ADAM2: variants seen among roughly 807,000 people sequenced by gnomAD.
ADAM2 encodes the protein ADAM metallopeptidase domain 2, also known as disintegrin and metalloproteinase domain-containing protein 2.
Under a neutral mutation model 99.3 loss-of-function variants are expected in ADAM2, and 101 were observed. The observed-to-expected ratio is 1.02, with a 90% CI of 0.87 to 1.20. The LOEUF (loss-of-function observed/expected upper bound fraction) is 1.20, where lower values mean the gene tolerates loss of function less well. Among genes scored for constraint, ADAM2 ranks in the 50% most tolerant of loss-of-function variants. The pLI is 0.00. For synonymous variants in ADAM2, 323 were observed against 287.6 expected, an observed-to-expected ratio of 1.12 and a Z score of -1.25; for missense variants, 948 against 878.7, an observed-to-expected ratio of 1.08 and a Z score of -1.00.
intron 11 of ADAM2, among the ~76,000 whole-genome samples, chr8:39,775,692 C>A (rs1456592036): frequency 6.6e-6 from 1 of 152,102 alleles, no homozygotes; most frequent in Non-Finnish European, 1.5e-5. Flanking sequence ...TGTATGGTGA[C>A]TGAGAAATAT....
intron 15 of ADAM2, 49 bp downstream of exon 15, chr8:39,761,127 A>C: frequency 8.4e-7 from 1 of 1,193,042 alleles, no homozygotes; most frequent in Non-Finnish European, 1.2e-6. Flanking sequence ...GGTATTTTCA[A>C]ATATAAGGTG....
chr8:39,758,734 T>C (rs376952136), intron 15 of ADAM2, among the ~76,000 whole-genome samples: 1 of 152,064 alleles, frequency 6.6e-6, no homozygotes, highest in Non-Finnish European at 1.5e-5. Context: ...TCTTTTCTTG[T>C]GCTAGAAAAA....
At chr8:39,769,242 C>T (rs1414306217) in intron 12 of ADAM2, 150 bp downstream of exon 12, 16 of 597,004 alleles carry the variant, frequency 2.7e-5, no homozygotes, top group South Asian at 1.1e-4. Flanking sequence ...TATAAGTGCA[C>T]TCATTAGTTG....
chr8:39,830,315 C>A (rs1043031056), intron 3 of ADAM2, among the ~76,000 whole-genome samples: 1 of 152,080 alleles, frequency 6.6e-6, no homozygotes, highest in Non-Finnish European at 1.5e-5. Flanking sequence ...GGGTAATAAA[C>A]TGGCCCATAG....
At chr8:39,749,781 C>G in intron 16 of ADAM2, 37 bp from the exon 17 acceptor site, 4 of 1,534,756 alleles carry the variant, frequency 2.6e-6, no homozygotes, top group Non-Finnish European at 3.6e-6. Context: ...AATTGACATG[C>G]CATCTAGAGT....
intron 4 of ADAM2, among the ~76,000 whole-genome samples, chr8:39,822,051 T>A (rs1235120990): frequency 6.6e-6 from 1 of 152,222 alleles, no homozygotes; most frequent in Non-Finnish European, 1.5e-5. Context: ...TTACTTTTGC[T>A]TTATAGTTCA....
chr8:39,806,727 C>CA (rs1804457648), intron 7 of ADAM2, among the ~76,000 whole-genome samples: 1 of 151,958 alleles, frequency 6.6e-6, no homozygotes. Context: ...AAAGCAGAAC[C>CA]AAAAGTTGAA....
chr8:39,782,397 A>G (rs1803269969), intron 10 of ADAM2, among the ~76,000 whole-genome samples: 1 of 152,180 alleles, frequency 6.6e-6, no homozygotes, highest in Admixed American at 6.5e-5. Flanking sequence ...TATAGTTAAC[A>G]TAAATCTCAA....
intron 6 of ADAM2, among the ~76,000 whole-genome samples, chr8:39,817,744 T>C (rs1805012924): frequency 6.6e-6 from 1 of 151,794 alleles, no homozygotes; most frequent in South Asian, 2.1e-4. Flanking sequence ...AAAAAGAAAA[T>C]ATTTAAATTA....
chr8:39,821,130 G>T lies in ADAM2; in HGVS notation c.385C>A (p.Pro129Thr), dbSNP rs765710108. The change falls in exon 6 of 21, where the codon CCC (proline) becomes ACC (threonine). Residue 129 changes from proline (P) to threonine (T), a missense_variant. Pro to Thr is a conservative substitution (Grantham distance 38). Coordinates refer to ENST00000265708, the MANE Select transcript of ADAM2 (RefSeq NM_001464.5). ...QFENVSYGIE[P>T]LESSVGFEHV... ...TCAAAGCCAACTGAAGACTCCAGGG[G>T]TTCTATTCCATAACTAACATTTTCA... is the stretch of plus-strand genomic sequence containing the variant. 9 of 1,606,822 alleles carry T rather than the reference G, an allele frequency of 5.6e-6. No homozygotes were observed. Among genetic ancestry groups the T allele is most frequent in the South Asian group, 5.6e-5 (5 of 89,574 alleles).
At chr8:39,785,978 A>G (rs1803452193) in intron 10 of ADAM2, among the ~76,000 whole-genome samples, 1 of 152,188 alleles carries the variant, frequency 6.6e-6, no homozygotes, top group Non-Finnish European at 1.5e-5. Context: ...AATACTATGC[A>G]GCCATAAAAA....
At chr8:39,810,351 C>T (rs1451375504) in intron 6 of ADAM2, among the ~76,000 whole-genome samples, 1 of 152,154 alleles carries the variant, frequency 6.6e-6, no homozygotes, top group African/African-American at 2.4e-5. Flanking sequence ...TTTAACACCC[C>T]ACTGTCAACA....
chr8:39,770,668 A>T (rs1563346636), intron 11 of ADAM2, among the ~76,000 whole-genome samples: 1 of 152,212 alleles, frequency 6.6e-6, no homozygotes, highest in Non-Finnish European at 1.5e-5. Flanking sequence ...TTGTGAGAGT[A>T]TCATACATGT....
At chr8:39,788,627 G>A in intron 8 of ADAM2, 42 bp downstream of exon 8, 1 of 1,381,770 alleles carries the variant, frequency 7.2e-7, no homozygotes, top group Non-Finnish European at 1.0e-6. Flanking sequence ...AATTGTTTTA[G>A]TAACACAAGA....
Position 39,788,258 on chromosome 8 carries a change from T to C in ADAM2, c.643-7A>G, listed in dbSNP as rs1803560989. 1.3e-6 allele frequency: 2 copies of C among 1,484,090 alleles called. No homozygotes were observed. Among genetic ancestry groups the C allele is most frequent in the Non-Finnish European group, 1.8e-6 (2 of 1,105,922 alleles). 91.9% of individuals were successfully genotyped at this position (1,484,090 alleles called of 1,614,324 possible). A position where few individuals can be genotyped will look rare whatever the true frequency, so the allele number is the denominator to read the frequency against. On this transcript the variant is annotated splice_polypyrimidine_tract_variant and splice_region_variant and intron_variant, in intron 8 of 20. Transcript: ENST00000265708. ...TATTAAATGAAACAAAAATCTAAAA[T>C]AGAAAACATACAAAAGTGTGCTCAA...
At chr8:39,782,468 A>G (rs1016439715) in intron 10 of ADAM2, among the ~76,000 whole-genome samples, 4 of 152,172 alleles carry the variant, frequency 2.6e-5, no homozygotes, top group African/African-American at 9.6e-5. Flanking sequence ...ACTTATTACA[A>G]GCATTAAATA....
intron 11 of ADAM2, among the ~76,000 whole-genome samples, chr8:39,771,095 C>T (rs191662879): frequency 6.6e-6 from 1 of 152,164 alleles, no homozygotes; most frequent in African/African-American, 2.4e-5. Flanking sequence ...CCAACTCCTC[C>T]GAGGTCATTC....
intron 14 of ADAM2, among the ~76,000 whole-genome samples, chr8:39,762,080 T>A (rs557828560): frequency 6.6e-6 from 1 of 152,256 alleles, no homozygotes; most frequent in East Asian, 1.9e-4. Context: ...CGAGACTGCG[T>A]CTCAAAGGAA....
intron 12 of ADAM2, 25 bp downstream of exon 12, chr8:39,769,367 C>T (rs774653988): frequency 2.2e-5 from 35 of 1,566,870 alleles, no homozygotes; most frequent in Admixed American, 5.4e-5. Context: ...AATTTCAGTG[C>T]GTAGTCTTCC....
Sources: gnomAD v4.1 joint callset for allele counts (sites outside exome capture counted in the v4.1 genomes callset) on GRCh38, gnomAD v4.1.1 for gene constraint, MANE v1.5 for transcripts, NCBI Gene and HGNC (gene_info 2026-07-23, HGNC 2026-07-21) for gene names.